Variants in DENND2A observed in about 807,000 individuals in gnomAD.
The protein encoded by DENND2A is DENN domain containing 2A.
DENND2A carries 53 observed loss-of-function variants against 105.3 expected under a neutral mutation model. That is an observed-to-expected ratio of 0.50 (90% CI 0.40 to 0.63). The LOEUF (loss-of-function observed/expected upper bound fraction) is 0.63. DENND2A is among the 30% of genes least tolerant of loss of function. DENND2A has a pLI of 0.00. For missense variants in DENND2A, 1,138 were observed against 1,279.6 expected, an observed-to-expected ratio of 0.89 and a Z score of 1.69; for synonymous variants, 522 against 508.4, an observed-to-expected ratio of 1.03 and a Z score of -0.36.
chr7:140,559,616 T>A lies in DENND2A; in HGVS notation c.1889+92A>T. 1 of 889,044 alleles carries A rather than the reference T, an allele frequency of 1.1e-6. No individual in the cohort carries two copies. The highest frequency in any genetic ancestry group is 1.5e-5 in the South Asian group (1 of 67,542). The allele number at this position is 889,044 out of a possible 1,614,324, so 55.1% of individuals were successfully genotyped here. On this transcript the variant is annotated intron_variant, in intron 10 of 19. Transcript: ENST00000496613. The surrounding 1 kb of genome is among the most constrained non-coding windows in gnomAD (Gnocchi z 4.1). ...CAGGCCCATCAGGATTACTTAACGGTGGGAATGACTCATGTGGTCTGCCAC... is the reference window on the plus strand; with the variant it reads ...CAGGCCCATCAGGATTACTTAACGGAGGGAATGACTCATGTGGTCTGCCAC...
chr7:140,552,691 C>T (rs1449294322), intron 12 of DENND2A, among the ~76,000 whole-genome samples: 2 of 152,030 alleles, frequency 1.3e-5, no homozygotes, highest in Admixed American at 6.6e-5. Flanking sequence ...AGCCACTGCG[C>T]CTGGCCTTCT....
intron 14 of DENND2A, among the ~76,000 whole-genome samples, chr7:140,529,133 C>T (rs1796167607): frequency 6.6e-6 from 1 of 151,842 alleles, no homozygotes; most frequent in South Asian, 2.1e-4. Context: ...CCAAAAAAAA[C>T]ACTGGGAGAA....
rs567910117 is a variant in DENND2A at position 140,623,387 on chromosome 7, A to ATCTGAAG, written c.-248+17116_-248+17117insCTTCAGA. The stretch of plus-strand genomic sequence containing the variant: ...TCATGACACTGAAGGTGCTAGGAAC[A>ATCTGAAG]TCTTAGTAAGGCTGTAGTCAGGAGA... On this transcript the variant is annotated intron_variant, in intron 1 of 19. Transcript: ENST00000496613. Among the ~76,000 whole-genome samples, 13 of 151,468 alleles carry ATCTGAAG rather than the reference A, an allele frequency of 8.6e-5. No individual in the cohort carries two copies. In the South Asian group the frequency reaches 1.5e-3, roughly 17 times the overall value.
intron 1 of DENND2A, among the ~76,000 whole-genome samples, chr7:140,606,029 A>G (rs779069600): frequency 2.3e-4 from 35 of 152,018 alleles, no homozygotes; most frequent in Non-Finnish European, 4.3e-4. Flanking sequence ...ACCTCTTTGT[A>G]TATATCTTTT....
At chr7:140,546,972 C>G (rs75343023) in intron 12 of DENND2A, 33 bp from the exon 13 acceptor site, 1 of 1,597,212 alleles carries the variant, frequency 6.3e-7, no homozygotes, top group Admixed American at 1.7e-5. Context: ...TTAGCTATTC[C>G]GAAGCCAAAG....
At chr7:140,586,499 C>G (rs891195821) in intron 4 of DENND2A, among the ~76,000 whole-genome samples, 9 of 151,904 alleles carry the variant, frequency 5.9e-5, no homozygotes, top group African/African-American at 2.2e-4. Context: ...GCGGAGGCTG[C>G]AGTGAGTTGA....
chr7:140,602,461 A>G lies in DENND2A; in HGVS notation c.-64T>C. 6.8e-7 allele frequency: 1 copy of G among 1,480,912 alleles called. No homozygotes were observed. The highest frequency in any genetic ancestry group is 2.3e-5 in the East Asian group (1 of 43,290). 91.7% of individuals were successfully genotyped at this position (1,480,912 alleles called of 1,614,324 possible). A position where few individuals can be genotyped will look rare whatever the true frequency, so the allele number is the denominator to read the frequency against. ...GACTCCTTCTGAAGCCTGACTCCTG[A>G]TCAGTCTCTAGGAATGGAATGGAGG... On this transcript the variant is annotated 5_prime_UTR_variant, in exon 3 of 20. Coordinates refer to ENST00000496613, the MANE Select transcript of DENND2A (RefSeq NM_015689.5).
At chr7:140,637,278 T>C (rs1374186507) in intron 1 of DENND2A, among the ~76,000 whole-genome samples, 2 of 152,234 alleles carry the variant, frequency 1.3e-5, no homozygotes, top group East Asian at 1.9e-4. Context: ...AGAAATCTGA[T>C]TGGAGGGGTA....
chr7:140,601,688 C>T lies in DENND2A; in HGVS notation c.710G>A (p.Gly237Asp). ...CCGGTCCCAGGGCCTTCTGCATGAA[C>T]CTTTCCTGTCCTCCACAAGCTCAGG... Reference protein sequence around the residue: ...PTPELVEDRKGSCRRPWDRSL... With the variant: ...PTPELVEDRKDSCRRPWDRSL... Residue 237 changes from glycine to aspartate, a missense_variant, in exon 3 of 20, where the codon GGT becomes GAT. By Grantham distance (94) the Gly-to-Asp change is moderately conservative. This residue lies in a region of DENND2A where 511 missense variants were observed against 499.9 expected (regional missense o/e 1.02). Transcript: ENST00000496613. The T allele has an allele frequency of 6.2e-7, 1 of 1,613,970 alleles. No individual in the cohort carries two copies. The highest frequency in any genetic ancestry group is 8.5e-7 in the Non-Finnish European group (1 of 1,179,918).
intron 12 of DENND2A, among the ~76,000 whole-genome samples, chr7:140,549,086 A>G (rs968048311): frequency 4.0e-5 from 6 of 151,772 alleles, no homozygotes; most frequent in South Asian, 2.1e-4. Context: ...GCGTGGTGGC[A>G]GGCTATATTC....
rs1799880492 is a variant in DENND2A at position 140,611,086 on chromosome 7, C to T, written c.-247-5280G>A. Among the ~76,000 whole-genome samples the T allele has an allele frequency of 7.2e-5, 11 of 152,298 alleles. No homozygotes were observed. In the South Asian group the frequency reaches 2.3e-3, roughly 32 times the overall value. ...TTTGAGACGAGTTTCACTCCTGTTGCCCAGGCTGGAGTGCAATGGCATGAT... is the reference window on the plus strand; with the variant it reads ...TTTGAGACGAGTTTCACTCCTGTTGTCCAGGCTGGAGTGCAATGGCATGAT... On this transcript the variant is annotated intron_variant, in intron 1 of 19. Coordinates refer to ENST00000496613, the MANE Select transcript of DENND2A (RefSeq NM_015689.5).
intron 5 of DENND2A, among the ~76,000 whole-genome samples, chr7:140,582,151 G>A (rs1265449865): frequency 6.6e-6 from 1 of 152,158 alleles, no homozygotes; most frequent in East Asian, 1.9e-4. Flanking sequence ...TTTTAGTAGA[G>A]ATGGGGTTTC....
chr7:140,530,209 G>C (rs1373202428), intron 14 of DENND2A, among the ~76,000 whole-genome samples: 1 of 152,102 alleles, frequency 6.6e-6, no homozygotes, highest in East Asian at 1.9e-4. Context: ...GGATGACAGA[G>C]GGAGACCCTG....
At chr7:140,560,126 A>AGGAGGCTCAGGAATCTGGAAGGC (rs1797554291) in intron 9 of DENND2A, among the ~76,000 whole-genome samples, 1 of 152,180 alleles carries the variant, frequency 6.6e-6, no homozygotes, top group African/African-American at 2.4e-5. Flanking sequence ...CTTTCCAAAT[A>AGGAGGCTCAGGAATCTGGAAGGC]GGAGGCTCAG....
chr7:140,527,569 C>A lies in DENND2A; in HGVS notation c.2328-74G>T, dbSNP rs2130469509. Reference sequence around the variant, plus strand: ...GAGGAAGCCTCCAGGGGAGAAGGCTCCTCCCAGAGACAGGATGACTAGGAA... The same window carrying A: ...GAGGAAGCCTCCAGGGGAGAAGGCTACTCCCAGAGACAGGATGACTAGGAA... On this transcript the variant is annotated intron_variant, in intron 14 of 19. Transcript: ENST00000496613. This position sits in a 1 kb window ranked among gnomAD's most constrained non-coding sequence, Gnocchi z 4.9. The A allele has an allele frequency of 7.0e-7, 1 of 1,437,560 alleles. No individual in the cohort carries two copies. Among genetic ancestry groups the A allele is most frequent in the Admixed American group, 2.3e-5 (1 of 43,172 alleles). The allele number at this position is 1,437,560 out of a possible 1,614,324, so 89.1% of individuals were successfully genotyped here. A position where few individuals can be genotyped will look rare whatever the true frequency, so the allele number is the denominator to read the frequency against.
At position 140,601,841 on chromosome 7, in the gene DENND2A, T is replaced by C. The variant is rs768813229; in HGVS notation, c.557A>G (p.Tyr186Cys). The C allele has an allele frequency of 6.2e-7, 1 of 1,613,886 alleles. No homozygotes were observed. The highest frequency in any genetic ancestry group is 2.2e-5 in the East Asian group (1 of 44,852). ...GLDPQLPGTC[Y>C]SPHCPPDKAE... ...CTTGTCAGGAGGGCAGTGTGGGGAG[T>C]AACAAGTCCCTGGTAACTGGGGATC... is the stretch of plus-strand genomic sequence containing the variant. The change falls in exon 3 of 20, where the codon TAC becomes TGC. Residue 186 changes from tyrosine to cysteine, a missense_variant. Physicochemically the swap from Tyr to Cys is radical, Grantham distance 194 (BLOSUM62 -2). Transcript: ENST00000496613.
At chr7:140,535,435 A>G (rs554092881) in intron 14 of DENND2A, among the ~76,000 whole-genome samples, 3 of 152,278 alleles carry the variant, frequency 2.0e-5, no homozygotes, top group African/African-American at 7.2e-5. Flanking sequence ...CTGGGCTTCA[A>G]GACAACTAGT....
At chr7:140,639,753 C>G (rs1801114384) in intron 1 of DENND2A, among the ~76,000 whole-genome samples, 1 of 152,308 alleles carries the variant, frequency 6.6e-6, no homozygotes, top group Non-Finnish European at 1.5e-5. Flanking sequence ...TCAGCACCAG[C>G]TGGTTAAGGC....
chr7:140,583,926 GAA>G (rs35931795), intron 5 of DENND2A, among the ~76,000 whole-genome samples: 6 of 107,578 alleles, frequency 5.6e-5, no homozygotes, highest in East Asian at 3.0e-4. Context: ...ACTCCGTCTC[GAA>G]AAAAAAAAAA....
Sources: allele counts gnomAD v4.1 joint callset (sites outside exome capture counted in the v4.1 genomes callset), GRCh38; gene constraint gnomAD v4.1.1; regional missense constraint gnomAD v4.1.1; non-coding constraint Gnocchi (gnomAD v3.1); transcripts MANE v1.5; gene names NCBI Gene and HGNC (gene_info 2026-07-23, HGNC 2026-07-21).